The following ULK4 variants were observed in gnomAD, a reference collection of about 807,000 sequenced individuals.
ULK4 encodes inactive serine/threonine-protein kinase ULK4.
ULK4 carries 133 observed loss-of-function variants against 160.6 expected under a neutral mutation model. The ratio of observed to expected loss-of-function variants is 0.83; its 90% CI spans 0.72 to 0.96. The LOEUF (loss-of-function observed/expected upper bound fraction) is 0.96, where lower values mean the gene tolerates loss of function less well. Ranked by LOEUF, ULK4 falls within the 40% of genes least tolerant of loss-of-function variation. The pLI, the probability that ULK4 is intolerant of heterozygous loss-of-function variation, is 0.00. For missense variants in ULK4, 1,580 were observed against 1,499.5 expected (o/e 1.05, Z -0.89); for synonymous variants, 534 against 539.8 (o/e 0.99, Z 0.15).
At chr3:41,405,886 C>T (rs1240269080) in intron 34 of ULK4, among the ~76,000 whole-genome samples, 2 of 151,798 alleles carry the variant, frequency 1.3e-5, no homozygotes, top group African/African-American at 4.8e-5. Context: ...GATATTAGAC[C>T]TTCATCAGAT....
chr3:41,579,070 T>G (rs1244082331), intron 31 of ULK4, among the ~76,000 whole-genome samples: 1 of 152,216 alleles, frequency 6.6e-6, no homozygotes, highest in Non-Finnish European at 1.5e-5. Context: ...TGTCCACTGT[T>G]TCTGCATCGA....
At chr3:41,306,305 G>C (rs1301701917) in intron 35 of ULK4, among the ~76,000 whole-genome samples, 2 of 130,134 alleles carry the variant, frequency 1.5e-5, no homozygotes, top group African/African-American at 7.4e-5. Context: ...GGGAAGTGAG[G>C]AGCCCCTCTG....
At chr3:41,303,112 C>T (rs762787333) in intron 35 of ULK4, among the ~76,000 whole-genome samples, 2 of 152,094 alleles carry the variant, frequency 1.3e-5, no homozygotes, top group Admixed American at 1.3e-4. Flanking sequence ...TTTTTAAAGT[C>T]ATTTTTAAAA....
chr3:41,367,316 C>T (rs62259266), intron 35 of ULK4, among the ~76,000 whole-genome samples: 3 of 152,114 alleles, frequency 2.0e-5, no homozygotes, highest in Non-Finnish European at 2.9e-5. Flanking sequence ...TGTAGGCAGC[C>T]TCACCCTGGA....
chr3:41,844,098 T>C (rs113642605), intron 17 of ULK4, among the ~76,000 whole-genome samples: 6,660 of 152,310 alleles, frequency 0.044, 459 homozygotes, highest in African/African-American at 0.15. Flanking sequence ...GGAGCACCGC[T>C]GGCTTCACCC....
At chr3:41,558,730 A>C (rs1795350) in intron 32 of ULK4, among the ~76,000 whole-genome samples, 3 of 150,262 alleles carry the variant, frequency 2.0e-5, no homozygotes, top group Non-Finnish European at 4.4e-5. Flanking sequence ...AAAAAAAAGG[A>C]AAGAAAAAGA....
chr3:41,510,128 G>C (rs1236063971), intron 32 of ULK4, among the ~76,000 whole-genome samples: 1 of 152,078 alleles, frequency 6.6e-6, no homozygotes, highest in Non-Finnish European at 1.5e-5. Context: ...AGATAAATAA[G>C]TAGAAAAAGA....
Position 41,866,209 on chromosome 3 carries a change from G to A in ULK4, c.1656+17665C>T, listed in dbSNP as rs144726703. Among the ~76,000 whole-genome samples the A allele has an allele frequency of 3.1e-3, 476 of 152,316 alleles. 1 individual carries two copies. Among genetic ancestry groups the A allele is most frequent in the African/African-American group, 0.011 (452 of 41,572 alleles). ...ATCTACCACCACATGCAAGCTATAT[G>A]TACATCGTAAGACCTCCACTATGCT... On this transcript the variant is annotated intron_variant, in intron 17 of 36. Transcript: ENST00000301831.
At chr3:41,358,794 C>T (rs937972467) in intron 35 of ULK4, among the ~76,000 whole-genome samples, 1 of 152,088 alleles carries the variant, frequency 6.6e-6, no homozygotes, top group Admixed American at 6.6e-5. Flanking sequence ...CCACGGCTTG[C>T]ATGCCATAAA....
At chr3:41,938,698 T>C (rs994572908) in intron 2 of ULK4, among the ~76,000 whole-genome samples, 1 of 151,982 alleles carries the variant, frequency 6.6e-6, no homozygotes, top group African/African-American at 2.4e-5. Flanking sequence ...AATAAATAAA[T>C]AAATTTTTTT....
At chr3:41,648,462 T>C (rs2034604047) in intron 30 of ULK4, among the ~76,000 whole-genome samples, 1 of 152,214 alleles carries the variant, frequency 6.6e-6, no homozygotes, top group African/African-American at 2.4e-5. Context: ...TTAGTCATTG[T>C]TTTTATAAAT....
intron 35 of ULK4, among the ~76,000 whole-genome samples, chr3:41,305,294 T>C (rs1475377521): frequency 6.6e-6 from 1 of 151,722 alleles, no homozygotes; most frequent in African/African-American, 2.4e-5. Flanking sequence ...GAAGCTGGAC[T>C]GTACTGCTGC....
chr3:41,708,720 A>T (rs2036989722), intron 25 of ULK4, among the ~76,000 whole-genome samples: 1 of 152,202 alleles, frequency 6.6e-6, no homozygotes, highest in Non-Finnish European at 1.5e-5. Context: ...TAGTCCTGAA[A>T]ATTGGTAATA....
At chr3:41,520,084 CTAT>C (rs1338316625) in intron 32 of ULK4, among the ~76,000 whole-genome samples, 1 of 152,156 alleles carries the variant, frequency 6.6e-6, no homozygotes, top group Non-Finnish European at 1.5e-5. Flanking sequence ...ACCATTTTAA[CTAT>C]TTTTTAAGTA....
At chr3:41,615,755 A>G in intron 30 of ULK4, 38 bp from the exon 31 acceptor site, 1 of 1,592,036 alleles carries the variant, frequency 6.3e-7, no homozygotes, top group Non-Finnish European at 8.6e-7. Flanking sequence ...TGCACATTAG[A>G]CAATTCATAT....
At chr3:41,484,669 G>A (rs1374611517) in intron 32 of ULK4, among the ~76,000 whole-genome samples, 4 of 152,156 alleles carry the variant, frequency 2.6e-5, no homozygotes, top group South Asian at 4.1e-4. Flanking sequence ...AGCCAGGATG[G>A]TCTTGATCTC....
chr3:41,371,139 C>T (rs1370734409), intron 35 of ULK4, among the ~76,000 whole-genome samples: 1 of 152,182 alleles, frequency 6.6e-6, no homozygotes, highest in Non-Finnish European at 1.5e-5. Context: ...AAGGCAGCAG[C>T]TCCAGTCAGG....
chr3:41,558,245 T>C (rs761970193), intron 32 of ULK4, among the ~76,000 whole-genome samples: 1 of 152,154 alleles, frequency 6.6e-6, no homozygotes, highest in Non-Finnish European at 1.5e-5. Context: ...AAATAAATTA[T>C]GCTACATCCA....
intron 17 of ULK4, among the ~76,000 whole-genome samples, chr3:41,839,465 CTAAT>C (rs2041849912): frequency 6.7e-6 from 1 of 148,984 alleles, no homozygotes; most frequent in Non-Finnish European, 1.5e-5. Flanking sequence ...CAATTATTTG[CTAAT>C]TAAATTTTTT....
Sources: gnomAD v4.1 joint callset for allele counts (sites outside exome capture counted in the v4.1 genomes callset) on GRCh38, gnomAD v4.1.1 for gene constraint, MANE v1.5 for transcripts, NCBI Gene and HGNC (gene_info 2026-07-23, HGNC 2026-07-21) for gene names.